Variants in JPT2 observed in about 807,000 individuals in gnomAD.
JPT2 encodes Jupiter microtubule associated homolog 2, also known as CRAMP_1 like.
Under a neutral mutation model 15.9 loss-of-function variants are expected in JPT2, and 9 were observed. The observed-to-expected ratio is 0.57, with a 90% CI of 0.34 to 0.99. The LOEUF (loss-of-function observed/expected upper bound fraction) is 0.99, where lower values mean the gene tolerates loss of function less well. Among genes scored for constraint, JPT2 ranks in the 50% least tolerant of loss-of-function variants. JPT2 has a pLI of 0.02. For synonymous variants in JPT2, 95 were observed against 91.7 expected, an observed-to-expected ratio of 1.04 and a Z score of -0.21; for missense variants, 267 against 252.1, an observed-to-expected ratio of 1.06 and a Z score of -0.40.
chr16:1,697,671 G>A (rs1165206835), intron 3 of JPT2, 141 bp from the exon 4 acceptor site: 1 of 677,830 alleles, frequency 1.5e-6, no homozygotes, highest in Non-Finnish European at 2.6e-6. Flanking sequence ...ATAGTCTGTA[G>A]AGGATTGGGG....
At position 1,700,643 on chromosome 16, in the gene JPT2, A is replaced by C. The variant is rs1343289142; in HGVS notation, c.*1645A>C. On this transcript the variant is annotated 3_prime_UTR_variant, in exon 5 of 5. Transcript: ENST00000248098. ...TTGATTGCCTGTAGACTTTGGAGCCAAGAAACACTCTGTGTGACTCTACAC... is the reference window on the plus strand; with the variant it reads ...TTGATTGCCTGTAGACTTTGGAGCCCAGAAACACTCTGTGTGACTCTACAC... 6.3e-6 allele frequency: 1 copy of C among 159,260 alleles called. No individual in the cohort carries two copies. The highest frequency in any genetic ancestry group is 2.4e-5 in the African/African-American group (1 of 41,636). The allele number at this position is 159,260 out of a possible 1,614,324, so 9.9% of individuals were successfully genotyped here. A position where few individuals can be genotyped will look rare whatever the true frequency, so the allele number is the denominator to read the frequency against.
At chr16:1,690,652 C>G (rs2037098239) in intron 2 of JPT2, 1 of 152,218 alleles carries the variant, frequency 6.6e-6, no homozygotes, top group African/African-American at 2.4e-5. Context: ...TTCCCCAGTC[C>G]TGTTTCTTCA....
chr16:1,696,317 C>T (rs1027364672), intron 3 of JPT2, among the ~76,000 whole-genome samples: 1 of 152,018 alleles, frequency 6.6e-6, no homozygotes, highest in Non-Finnish European at 1.5e-5. Flanking sequence ...AGGCGGATCA[C>T]GAGGTCAGAT....
intron 1 of JPT2, among the ~76,000 whole-genome samples, chr16:1,679,821 C>G (rs367881329): frequency 6.6e-6 from 1 of 151,646 alleles, no homozygotes. Flanking sequence ...CTTGGGGAGG[C>G]CGAGGCAGGT....
intron 1 of JPT2, among the ~76,000 whole-genome samples, chr16:1,678,671 C>G (rs1341075955): frequency 2.0e-5 from 3 of 151,850 alleles, no homozygotes; most frequent in East Asian, 1.9e-4. Context: ...CCTGGGCGCC[C>G]GCGTTCCGTG....
intron 3 of JPT2, 129 bp from the exon 4 acceptor site, chr16:1,697,683 G>T (rs1439803526): frequency 2.7e-6 from 2 of 739,252 alleles, no homozygotes; most frequent in Non-Finnish European, 4.7e-6. Context: ...GGATTGGGGG[G>T]GTCCTGAGGT....
rs1182204383 is a variant in JPT2, at chr16:1,685,525, C to G, written c.131C>G (p.Ala44Gly). 1.2e-6 allele frequency: 2 copies of G among 1,614,108 alleles called. No individual in the cohort carries two copies. The highest frequency in any genetic ancestry group is 1.7e-6 in the Non-Finnish European group (2 of 1,180,016). The change falls in exon 2 of 5, where the codon GCA becomes GGA. Residue 44 changes from alanine (A) to glycine (G), a missense_variant. By Grantham distance (60) the Ala-to-Gly change is moderately conservative. Transcript: ENST00000248098. Reference sequence around the variant, plus strand: ...CCTTCCAGCAGGCCTAATAGGATGGCATCTAATATTTTTGGACCAACAGAA... The same window carrying G: ...CCTTCCAGCAGGCCTAATAGGATGGGATCTAATATTTTTGGACCAACAGAA... ...ATPSSRPNRM[A>G]SNIFGPTEEP...
At chr16:1,695,452 G>A (rs1352122543) in intron 3 of JPT2, among the ~76,000 whole-genome samples, 1 of 151,526 alleles carries the variant, frequency 6.6e-6, no homozygotes, top group Non-Finnish European at 1.5e-5. Flanking sequence ...TGCACCTGTG[G>A]TCCTAGTTAC....
chr16:1,699,030 A>T lies in JPT2; in HGVS notation c.*32A>T, dbSNP rs1475772625. The T allele has an allele frequency of 6.9e-6, 11 of 1,600,346 alleles. No individual in the cohort carries two copies. Among genetic ancestry groups the T allele is most frequent in the Non-Finnish European group, 9.4e-6 (11 of 1,169,344 alleles). Reference sequence around the variant, plus strand: ...CCACTGCTCCACCCGGAGCCAGACCAGAAACTCAAGAGATAGGGTAGCCAT... The same window carrying T: ...CCACTGCTCCACCCGGAGCCAGACCTGAAACTCAAGAGATAGGGTAGCCAT... On this transcript the variant is annotated 3_prime_UTR_variant, in exon 5 of 5. Coordinates refer to ENST00000248098, the MANE Select transcript of JPT2 (RefSeq NM_144570.3).
At chr16:1,687,001 G>A (rs896883543) in intron 2 of JPT2, among the ~76,000 whole-genome samples, 4 of 152,178 alleles carry the variant, frequency 2.6e-5, no homozygotes, top group Non-Finnish European at 5.9e-5. Context: ...AGTCTGTTTT[G>A]AGACGGGGTC....
intron 1 of JPT2, among the ~76,000 whole-genome samples, chr16:1,679,036 T>C (rs1254459172): frequency 6.6e-6 from 1 of 152,228 alleles, no homozygotes; most frequent in African/African-American, 2.4e-5. Flanking sequence ...GACGAAGATA[T>C]CCTGACTCAG....
chr16:1,690,967 C>CAGAAAGGCCAAGTAA (rs1402067579), intron 2 of JPT2, among the ~76,000 whole-genome samples: 1 of 152,234 alleles, frequency 6.6e-6, no homozygotes, highest in Non-Finnish European at 1.5e-5. Context: ...CTGTGGGACA[C>CAGAAAGGCCAAGTAA]AGAAAGGCCA....
chr16:1,678,830 C>CG (rs2036996301), intron 1 of JPT2, among the ~76,000 whole-genome samples: 1 of 152,160 alleles, frequency 6.6e-6, no homozygotes, highest in South Asian at 2.1e-4. Flanking sequence ...GCCATGCCCC[C>CG]GCTCCTGTGC....
intron 1 of JPT2, among the ~76,000 whole-genome samples, chr16:1,678,865 GGT>G (rs900736344): frequency 3.3e-5 from 5 of 152,142 alleles, no homozygotes. Context: ...CCGTGTCCCT[GGT>G]GTGTGTGTGG....
At chr16:1,678,467 G>C in intron 1 of JPT2, 111 bp downstream of exon 1, 1 of 1,066,190 alleles carries the variant, frequency 9.4e-7, no homozygotes, top group Non-Finnish European at 1.2e-6. Flanking sequence ...TTGGGGGGCA[G>C]GGCGACCTCA....
At chr16:1,687,603 C>T (rs974388914) in intron 2 of JPT2, among the ~76,000 whole-genome samples, 2 of 152,164 alleles carry the variant, frequency 1.3e-5, no homozygotes, top group African/African-American at 4.8e-5. Flanking sequence ...TCCACATGGT[C>T]TCATGCCCAG....
chr16:1,699,177 G>A lies in JPT2; in HGVS notation c.*179G>A, dbSNP rs1438301438. 6.0e-5 allele frequency: 43 copies of A among 720,010 alleles called. No homozygotes were observed. Among genetic ancestry groups the A allele is most frequent in the Non-Finnish European group, 1.0e-4 (41 of 402,290 alleles). The allele number at this position is 720,010 out of a possible 1,614,324, so 44.6% of individuals were successfully genotyped here. On this transcript the variant is annotated 3_prime_UTR_variant, in exon 5 of 5. Transcript: ENST00000248098. ...CTTGGAGACCCGTGCCTTCCAGATG[G>A]CTGGGAGATGCCTCTGTGGGGATGA...
intron 1 of JPT2, among the ~76,000 whole-genome samples, chr16:1,679,386 C>T (rs930731726): frequency 6.6e-6 from 1 of 152,202 alleles, no homozygotes; most frequent in African/African-American, 2.4e-5. Context: ...ATTGCTCCAA[C>T]TTGCTAAAAA....
chr16:1,697,157 T>C (rs1251410784), intron 3 of JPT2, among the ~76,000 whole-genome samples: 1 of 152,194 alleles, frequency 6.6e-6, no homozygotes, highest in Non-Finnish European at 1.5e-5. Context: ...CGCTACAGCA[T>C]GGATGAAATT....
Sources: gnomAD v4.1 joint callset for allele counts (sites outside exome capture counted in the v4.1 genomes callset) on GRCh38, gnomAD v4.1.1 for gene constraint, MANE v1.5 for transcripts, NCBI Gene and HGNC (gene_info 2026-07-23, HGNC 2026-07-21) for gene names.